The following RBFOX3 variants were observed in gnomAD, a reference collection of about 807,000 sequenced individuals.
RBFOX3 encodes the protein RNA binding protein fox-1 homolog 3.
In RBFOX3, 17 loss-of-function variants were observed where a neutral mutation model predicts 48.7. The observed-to-expected ratio is 0.35, with a 90% CI of 0.24 to 0.52. The LOEUF is 0.52. Ranked by LOEUF, RBFOX3 falls within the 20% of genes least tolerant of loss-of-function variation. The pLI is 0.94. For missense variants in RBFOX3, 382 were observed against 497.5 expected, an observed-to-expected ratio of 0.77 and a Z score of 2.21; for synonymous variants, 212 against 209.5, an observed-to-expected ratio of 1.01 and a Z score of -0.10.
At chr17:79,594,118 G>A (rs1322674364) in intron 1 of RBFOX3, among the ~76,000 whole-genome samples, 17 of 152,068 alleles carry the variant, frequency 1.1e-4, no homozygotes, top group Non-Finnish European at 2.4e-4. Flanking sequence ...TTGATTAAGC[G>A]CCTACTCTGT....
rs2061374693 is a variant in RBFOX3 at position 79,234,249 on chromosome 17, G to C, written c.-34+1517C>G. 3 of 152,382 alleles carry C rather than the reference G, an allele frequency of 2.0e-5. No homozygotes were observed. The South Asian group carries it at 6.2e-4, about 32-fold the overall frequency. 9.4% of individuals were successfully genotyped at this position (152,382 alleles called of 1,614,324 possible). On this transcript the variant is annotated intron_variant, in intron 4 of 14. Transcript: ENST00000693108. ...CTTCCTGCTAGAAAGCCGGAGAGCC[G>C]GCAGCAGAGCCCGAGCTGCCTCTGC...
chr17:79,613,791 T>C (rs1471192232), upstream of RBFOX3, among the ~76,000 whole-genome samples: 1 of 152,138 alleles, frequency 6.6e-6, no homozygotes. Flanking sequence ...CTGGCCAACA[T>C]GGTGAAACGC....
At chr17:79,435,640 C>T (rs569148651) in intron 2 of RBFOX3, among the ~76,000 whole-genome samples, 34 of 152,154 alleles carry the variant, frequency 2.2e-4, no homozygotes, top group Non-Finnish European at 3.8e-4. Context: ...AAACGTTGGT[C>T]CCCGGGCTCA....
At chr17:79,165,002 C>T (rs8066998) in intron 4 of RBFOX3, among the ~76,000 whole-genome samples, 20,740 of 152,212 alleles carry the variant, frequency 0.14, 2,278 homozygotes, top group African/African-American at 0.29. Flanking sequence ...CCAGACCACA[C>T]GCTCATCTTT....
the RBFOX3 span, among the ~76,000 whole-genome samples, chr17:79,617,929 A>C: frequency 1.3e-5 from 2 of 152,348 alleles, no homozygotes; most frequent in South Asian, 4.1e-4. Flanking sequence ...CAGCAAGCGC[A>C]TCTGCGATGT....
intron 2 of RBFOX3, among the ~76,000 whole-genome samples, chr17:79,387,911 C>T (rs955567156): frequency 1.6e-4 from 25 of 151,848 alleles, no homozygotes; most frequent in African/African-American, 2.2e-4. Flanking sequence ...ATTGTGTGTA[C>T]GAGTGTGCAT....
At chr17:79,348,911 G>A (rs535266313) in intron 2 of RBFOX3, among the ~76,000 whole-genome samples, 1 of 151,446 alleles carries the variant, frequency 6.6e-6, no homozygotes, top group Non-Finnish European at 1.5e-5. Context: ...TGTCCAAGCA[G>A]ATCTCCCGAC....
chr17:79,617,143 C>T, the RBFOX3 span, among the ~76,000 whole-genome samples: 3 of 152,312 alleles, frequency 2.0e-5, no homozygotes, highest in South Asian at 4.1e-4. Flanking sequence ...GTGGGAGCAG[C>T]TTTCTCCCTG....
intron 3 of RBFOX3, among the ~76,000 whole-genome samples, chr17:79,304,608 A>G (rs2075839944): frequency 6.6e-6 from 1 of 152,016 alleles, no homozygotes; most frequent in Non-Finnish European, 1.5e-5. Flanking sequence ...TCTTGTCTGT[A>G]TTTTCCACAA....
intron 4 of RBFOX3, among the ~76,000 whole-genome samples, chr17:79,130,160 T>G (rs1418512936): frequency 6.6e-6 from 1 of 152,206 alleles, no homozygotes; most frequent in Non-Finnish European, 1.5e-5. Context: ...TAATTAGGGC[T>G]GTCGGACGCC....
At chr17:79,501,898 G>T (rs2082430716) in intron 1 of RBFOX3, among the ~76,000 whole-genome samples, 1 of 152,200 alleles carries the variant, frequency 6.6e-6, no homozygotes, top group African/African-American at 2.4e-5. Context: ...TATCCCTCCA[G>T]AATTGATTTT....
intron 2 of RBFOX3, among the ~76,000 whole-genome samples, chr17:79,383,285 T>A (rs571147019): frequency 6.6e-6 from 1 of 152,316 alleles, no homozygotes; most frequent in East Asian, 1.9e-4. Flanking sequence ...GGACAGGCTG[T>A]TGTCTAGAGG....
In RBFOX3 at chr17:79,535,737, C is replaced by T. The variant is rs2088614436; in HGVS notation, c.-319-53139G>A. Among the ~76,000 whole-genome samples, 1 of 152,162 alleles carries T rather than the reference C, an allele frequency of 6.6e-6. No homozygotes were observed. The highest frequency in any genetic ancestry group is 6.5e-5 in the Admixed American group (1 of 15,282). ...CATAGGAATAACGTGTCCTCTGCAC[C>T]CAGGAAGCCTGCAGCACTGAGCCGT... On this transcript the variant is annotated intron_variant, in intron 1 of 14. Coordinates refer to ENST00000693108, the MANE Select transcript of RBFOX3 (RefSeq NM_001350451.2). This position sits in a 1 kb window ranked among gnomAD's most constrained non-coding sequence, Gnocchi z 4.5.
Position 79,255,651 on chromosome 17 carries a change from C to T in RBFOX3, c.-73-19846G>A, listed in dbSNP as rs371411463. On this transcript the variant is annotated intron_variant, in intron 3 of 14. Transcript: ENST00000693108. Reference sequence around the variant, plus strand: ...AAGCCTCGGGAAGCTGCTGAGTCAACACTGCATGGGCAGGGTGGCCGGTGC... The same window carrying T: ...AAGCCTCGGGAAGCTGCTGAGTCAATACTGCATGGGCAGGGTGGCCGGTGC... 2.0e-5 allele frequency among the ~76,000 whole-genome samples: 3 copies of T among 152,068 alleles called. No individual in the cohort carries two copies. The East Asian group carries it at 5.9e-4, about 30-fold the overall frequency.
At chr17:79,593,144 A>C (rs1225865144) in intron 1 of RBFOX3, among the ~76,000 whole-genome samples, 4 of 151,954 alleles carry the variant, frequency 2.6e-5, no homozygotes, top group African/African-American at 7.3e-5. Context: ...AGAGAGGAAC[A>C]TGTGTGTCCA....
At chr17:79,357,322 C>T (rs902484669) in intron 2 of RBFOX3, among the ~76,000 whole-genome samples, 2 of 152,142 alleles carry the variant, frequency 1.3e-5, no homozygotes. Context: ...AGCTTCATTC[C>T]AATGTTTAAA....
At chr17:79,179,373 C>A (rs977696392) in intron 4 of RBFOX3, among the ~76,000 whole-genome samples, 1 of 152,226 alleles carries the variant, frequency 6.6e-6, no homozygotes, top group African/African-American at 2.4e-5. Flanking sequence ...GCATCCTCCA[C>A]GGAAGCTTCC....
chr17:79,090,775 T>A lies in RBFOX3; in HGVS notation c.*108A>T. 1 of 1,357,360 alleles carries A rather than the reference T, an allele frequency of 7.4e-7. No individual in the cohort carries two copies. Among genetic ancestry groups the A allele is most frequent in the Non-Finnish European group, 9.9e-7 (1 of 1,005,922 alleles). The allele number at this position is 1,357,360 out of a possible 1,614,324, so 84.1% of individuals were successfully genotyped here. A position where few individuals can be genotyped will look rare whatever the true frequency, so the allele number is the denominator to read the frequency against. ...ATGCCTCTTGGTTTGGTTGGTTTTT[T>A]TTTTGTTGCTTGGATCTTAACATCT... On this transcript the variant is annotated 3_prime_UTR_variant, in exon 15 of 15. Transcript: ENST00000693108.
intron 2 of RBFOX3, among the ~76,000 whole-genome samples, chr17:79,411,493 C>T (rs2064331799): frequency 6.6e-6 from 1 of 152,186 alleles, no homozygotes; most frequent in South Asian, 2.1e-4. Flanking sequence ...CTCCACCCTT[C>T]TCCCACCTCC....
Sources: gnomAD v4.1 joint callset for allele counts (sites outside exome capture counted in the v4.1 genomes callset) on GRCh38, gnomAD v4.1.1 for gene constraint, Gnocchi (gnomAD v3.1) non-coding constraint, MANE v1.5 for transcripts, NCBI Gene and HGNC (gene_info 2026-07-23, HGNC 2026-07-21) for gene names.